The following ATP11C variants were observed in gnomAD, a reference collection of about 807,000 sequenced individuals.
ATP11C encodes the protein ATPase phospholipid transporting 11C (ATP11C blood group), also known as phospholipid-transporting ATPase IG.
A neutral mutation model predicts 97.4 loss-of-function variants in ATP11C; 36 were observed. The observed-to-expected ratio is 0.37, with a 90% confidence interval of 0.28 to 0.49. The LOEUF is 0.49. Among genes scored for constraint, ATP11C ranks in the 20% least tolerant of loss-of-function variants. The pLI, the probability that ATP11C is intolerant of heterozygous loss-of-function variation, is 0.98. For missense variants in ATP11C, 730 were observed against 824.6 expected, an observed-to-expected ratio of 0.89 and a Z score of 1.40; for synonymous variants, 275 against 290.9, an observed-to-expected ratio of 0.95 and a Z score of 0.56.
At chrX:139,814,259 T>C (rs777030336) in intron 5 of ATP11C, among the ~76,000 whole-genome samples, 2 of 111,061 alleles carry the variant, frequency 1.8e-5, no homozygotes, top group Non-Finnish European at 3.8e-5. Flanking sequence ...AAAAAAATAC[T>C]ACTACCTTGG....
chrX:139,875,937 G>A (rs191760330), intron 1 of ATP11C, among the ~76,000 whole-genome samples: 72 of 112,109 alleles, frequency 6.4e-4, no homozygotes, highest in African/African-American at 2.2e-3. Context: ...AGTTATCTGA[G>A]ACGTTTTTCT....
Position 139,797,438 on chromosome X carries a change from G to A in ATP11C, c.858-112C>T, listed in dbSNP as rs929576372. The A allele has an allele frequency of 4.1e-5, 21 of 518,048 alleles. No individual in the cohort carries two copies. The Middle Eastern group carries it at 2.4e-3, about 59-fold the overall frequency. 42.7% of individuals were successfully genotyped at this position (518,048 alleles called of 1,213,427 possible). A position where few individuals can be genotyped will look rare whatever the true frequency, so the allele number is the denominator to read the frequency against. ...TGTACGACGCGTAACTACAGCACAA[G>A]CCTTTGTGTATTAACCTCAGTTATC... On this transcript the variant is annotated intron_variant, in intron 10 of 29. Transcript: ENST00000682941.
At chrX:139,840,252 C>A (rs973366117) in intron 1 of ATP11C, among the ~76,000 whole-genome samples, 1 of 112,319 alleles carries the variant, frequency 8.9e-6, no homozygotes, top group Non-Finnish European at 1.9e-5. Flanking sequence ...TTAAGAAAAA[C>A]CACCTTCTAA....
At chrX:139,889,299 A>C (rs2084693421) in intron 1 of ATP11C, among the ~76,000 whole-genome samples, 2 of 112,053 alleles carry the variant, frequency 1.8e-5, no homozygotes, top group Non-Finnish European at 3.8e-5. Context: ...CATTATGCCA[A>C]GTAAAACAAG....
At chrX:139,734,038 G>C in intron 28 of ATP11C, among the ~76,000 whole-genome samples, 1 of 110,938 alleles carries the variant, frequency 9.0e-6, no homozygotes, top group Non-Finnish European at 1.9e-5. Context: ...GTCATCTAGA[G>C]AGCTTTGACA....
At chrX:139,742,864 TAAA>T (rs573243237) in intron 26 of ATP11C, among the ~76,000 whole-genome samples, 11 of 20,130 alleles carry the variant, frequency 5.5e-4, no homozygotes, top group African/African-American at 1.4e-3. Context: ...ATTTTTAAAT[TAAA>T]AAAAAAAAAA....
chrX:139,928,195 T>TA lies in ATP11C; in HGVS notation c.27+3820dup, dbSNP rs1285792761. Reference sequence around the variant, plus strand: ...AAGGCAATTATAACACAATATGATTTAAAAAAAAAAAGTTGCTTTTAAGTA... The same window carrying TA: ...AAGGCAATTATAACACAATATGATTTAAAAAAAAAAAAGTTGCTTTTAAGTA... On this transcript the variant is annotated intron_variant, in intron 1 of 29. Transcript: ENST00000682941. 3.2e-3 allele frequency among the ~76,000 whole-genome samples: 338 copies of TA among 106,494 alleles called. 2 individuals carry two copies. The highest frequency in any genetic ancestry group is 4.8e-3 in the Middle Eastern group (1 of 209). The allele number at this position is 106,494 out of a possible 115,157, so 92.5% of individuals were successfully genotyped here. A position where few individuals can be genotyped will look rare whatever the true frequency, so the allele number is the denominator to read the frequency against.
intron 1 of ATP11C, among the ~76,000 whole-genome samples, chrX:139,844,803 A>G (rs2083886609): frequency 8.9e-6 from 1 of 111,873 alleles, no homozygotes; most frequent in African/African-American, 3.3e-5. Flanking sequence ...TTATCTTACC[A>G]GAAAGCCAAC....
chrX:139,924,450 T>A (rs774169461), intron 1 of ATP11C, among the ~76,000 whole-genome samples: 1 of 111,740 alleles, frequency 8.9e-6, no homozygotes, highest in Non-Finnish European at 1.9e-5. Flanking sequence ...TGTTTCACAA[T>A]ATTTGCGTGA....
intron 29 of ATP11C, among the ~76,000 whole-genome samples, chrX:139,730,162 A>T (rs772754617): frequency 8.9e-6 from 1 of 111,771 alleles, no homozygotes; most frequent in African/African-American, 3.2e-5. Flanking sequence ...AATTGTTTTT[A>T]AAAAATACTT....
chrX:139,871,663 C>T (rs905229877), intron 1 of ATP11C, among the ~76,000 whole-genome samples: 2 of 107,874 alleles, frequency 1.9e-5, no homozygotes, highest in African/African-American at 3.4e-5. Flanking sequence ...TGGAACTACA[C>T]GTGTGTGCCA....
At chrX:139,732,667 T>C (rs2081370803) in intron 28 of ATP11C, 2 of 201,477 alleles carry the variant, frequency 9.9e-6, no homozygotes, top group Non-Finnish European at 1.9e-5. Context: ...CGAAATGATA[T>C]GTTAGTTTTG....
chrX:139,744,763 TG>T (rs2081644567), intron 25 of ATP11C, among the ~76,000 whole-genome samples: 2 of 111,996 alleles, frequency 1.8e-5, no homozygotes, highest in East Asian at 5.6e-4. Context: ...GTTCTACATG[TG>T]ACTACTTTAA....
intron 5 of ATP11C, among the ~76,000 whole-genome samples, chrX:139,811,396 T>C (rs1194452328): frequency 1.8e-5 from 2 of 111,252 alleles, no homozygotes; most frequent in East Asian, 5.7e-4. Context: ...AAACTTAACA[T>C]AGCCAAAAGT....
chrX:139,934,561 T>A, upstream of ATP11C, among the ~76,000 whole-genome samples: 1 of 100,576 alleles, frequency 9.9e-6, no homozygotes, highest in Middle Eastern at 5.0e-3. Flanking sequence ...CCTTTTTTTT[T>A]TTTTTTTTTT....
chrX:139,773,954 T>C (rs996757314), intron 19 of ATP11C, among the ~76,000 whole-genome samples: 10 of 112,410 alleles, frequency 8.9e-5, no homozygotes, highest in African/African-American at 2.6e-4. Flanking sequence ...GAACATAAAG[T>C]GTGCTTAAGA....
chrX:139,890,948 C>T (rs1046687948), intron 1 of ATP11C, among the ~76,000 whole-genome samples: 4 of 111,264 alleles, frequency 3.6e-5, no homozygotes, highest in Admixed American at 9.7e-5. Flanking sequence ...AACAGAAGTA[C>T]AAGTAAGCAC....
rs1417771936 is a variant in ATP11C, at chrX:139,768,274, A to G, written c.2377T>C (p.Leu793=). 5.4e-6 allele frequency: 6 copies of G among 1,109,143 alleles called. No homozygotes were observed. Among genetic ancestry groups the G allele is most frequent in the African/African-American group, 1.8e-5 (1 of 54,768 alleles). The allele number at this position is 1,109,143 out of a possible 1,213,427, so 91.4% of individuals were successfully genotyped here. A position where few individuals can be genotyped will look rare whatever the true frequency, so the allele number is the denominator to read the frequency against. The part of the protein sequence containing the change: ...TAVLCCRMAP[L]QKAQIVRMVK... Reference sequence around the variant, plus strand: ...TTCACAGTTACCTGGGCTTTCTGTAATGGTGCCATCCGACAGCAGAGCACT... The same window carrying G: ...TTCACAGTTACCTGGGCTTTCTGTAGTGGTGCCATCCGACAGCAGAGCACT... Residue 793 remains leucine (L), a synonymous_variant, in exon 20 of 30, where the codon TTA becomes CTA. Transcript: ENST00000682941.
At chrX:139,899,369 C>T (rs1277211588) in intron 1 of ATP11C, among the ~76,000 whole-genome samples, 1 of 108,656 alleles carries the variant, frequency 9.2e-6, no homozygotes, top group Admixed American at 1.0e-4. Context: ...CCCAGCTACT[C>T]GGGAGGCTGA....
Sources: allele counts gnomAD v4.1 joint callset (sites outside exome capture counted in the v4.1 genomes callset), GRCh38; gene constraint gnomAD v4.1.1; transcripts MANE v1.5; gene names NCBI Gene and HGNC (gene_info 2026-07-23, HGNC 2026-07-21).